IL6R: variants seen among roughly 807,000 people sequenced by gnomAD.
IL6R encodes interleukin-6 receptor subunit alpha.
A neutral mutation model predicts 48.3 loss-of-function variants in IL6R; 38 were observed. That is an observed-to-expected ratio of 0.79 (90% CI 0.61 to 1.03). The LOEUF is 1.03. IL6R is among the 50% of genes least tolerant of loss of function. The pLI is 0.00. For synonymous variants in IL6R, 264 were observed against 256.2 expected (o/e 1.03, Z -0.29); for missense variants, 534 against 618.3 (o/e 0.86, Z 1.45).
At chr1:154,436,199 T>A (rs367617897) in intron 6 of IL6R, 89 bp downstream of exon 6, 1 of 1,424,922 alleles carries the variant, frequency 7.0e-7, no homozygotes, top group Admixed American at 2.1e-5. Flanking sequence ...GCCTCAAAAC[T>A]AGTGGCTTAG....
Position 154,430,492 on chromosome 1 carries a change from A to C in IL6R, c.344A>C (p.Glu115Ala), listed in dbSNP as rs749116155. ...TVHLLVDVPPEEPQLSCFRKS... is the reference protein window; with the variant it reads ...TVHLLVDVPPAEPQLSCFRKS... ...AATGCTTTCCTTTCAGTTCCCCCCG[A>C]GGAGCCCCAGCTCTCCTGCTTCCGG... The change falls in exon 3 of 10, where the codon GAG (glutamate) becomes GCG (alanine). Residue 115 changes from glutamate (E) to alanine (A), a missense_variant. Glu to Ala is a moderately radical substitution (Grantham distance 107, BLOSUM62 -1). Transcript: ENST00000368485. 3 of 1,613,490 alleles carry C rather than the reference A, an allele frequency of 1.9e-6. No homozygotes were observed. The highest frequency in any genetic ancestry group is 3.3e-5 in the Admixed American group (2 of 59,874).
intron 5 of IL6R, 108 bp from the exon 6 acceptor site, chr1:154,435,861 C>T (rs1376687870): frequency 1.7e-5 from 17 of 1,002,444 alleles, no homozygotes; most frequent in Non-Finnish European, 2.2e-5. Flanking sequence ...CTCTAGAGGC[C>T]TCTGCCAGCT....
In IL6R at chr1:154,414,478, G is replaced by C. The variant is rs1570923273; in HGVS notation, c.85+8764G>C. 12 of 1,024,654 alleles carry C rather than the reference G, an allele frequency of 1.2e-5. No individual in the cohort carries two copies. The South Asian group carries it at 1.5e-4, about 12-fold the overall frequency. The allele number at this position is 1,024,654 out of a possible 1,614,324, so 63.5% of individuals were successfully genotyped here. The stretch of plus-strand genomic sequence containing the variant: ...GCTGGCCGGCAAAACTATATTAGTT[G>C]TTGGGGCCCGGGACCCACCCTCACT... On this transcript the variant is annotated intron_variant, in intron 1 of 9. Coordinates refer to ENST00000368485, the MANE Select transcript of IL6R (RefSeq NM_000565.4).
rs1382538217 is a variant in IL6R at position 154,465,356 on chromosome 1, T to C, written c.1383T>C (p.Asn461=). ...CACGGAGCCCTTATGACATCAGCAA[T>C]ACAGACTACTTCTTCCCCAGATAGC... The part of the protein sequence containing the change: ...RDPRSPYDIS[N]TDYFFPR The change falls in exon 10 of 10, where the codon AAT becomes AAC. Residue 461 remains asparagine, a synonymous_variant. Coordinates refer to ENST00000368485, the MANE Select transcript of IL6R (RefSeq NM_000565.4). 6.2e-7 allele frequency: 1 copy of C among 1,613,988 alleles called. No homozygotes were observed. Among genetic ancestry groups the C allele is most frequent in the Non-Finnish European group, 8.5e-7 (1 of 1,180,018 alleles).
chr1:154,453,638 C>T lies in IL6R; in HGVS notation c.1067-850C>T, dbSNP rs1690714192. Among the ~76,000 whole-genome samples, 3 of 152,204 alleles carry T rather than the reference C, an allele frequency of 2.0e-5. No individual in the cohort carries two copies. In the South Asian group the frequency reaches 6.2e-4, roughly 31 times the overall value. On this transcript the variant is annotated intron_variant, in intron 8 of 9. Coordinates refer to ENST00000368485, the MANE Select transcript of IL6R (RefSeq NM_000565.4). Reference sequence around the variant, plus strand: ...TCATTCAAAGAAATATTTTGGCGATCCTACTTTGTATTCGGCACTGTGTAA... The same window carrying T: ...TCATTCAAAGAAATATTTTGGCGATTCTACTTTGTATTCGGCACTGTGTAA...
At chr1:154,436,401 C>T (rs1689632564) in intron 6 of IL6R, among the ~76,000 whole-genome samples, 1 of 152,186 alleles carries the variant, frequency 6.6e-6, no homozygotes, top group South Asian at 2.1e-4. Context: ...TCTCTTGAAC[C>T]CAGGAGGCGG....
intron 1 of IL6R, among the ~76,000 whole-genome samples, chr1:154,411,888 T>A (rs1391070923): frequency 2.0e-5 from 3 of 151,236 alleles, no homozygotes; most frequent in Non-Finnish European, 4.4e-5. Flanking sequence ...ACAACAAAAG[T>A]ATAAAATACT....
intron 6 of IL6R, chr1:154,437,512 C>T (rs1689697512): frequency 1.1e-5 from 5 of 446,454 alleles, no homozygotes; most frequent in Non-Finnish European, 1.8e-5. Context: ...CTCCTGGGTT[C>T]AAGCAATCCT....
chr1:154,464,998 T>C (rs912071812), intron 9 of IL6R, 136 bp from the exon 10 acceptor site: 1 of 886,676 alleles, frequency 1.1e-6, no homozygotes, highest in Non-Finnish European at 1.8e-6. Context: ...AGACAGCTGA[T>C]AGTTATTGCT....
intron 3 of IL6R, among the ~76,000 whole-genome samples, chr1:154,431,894 A>G (rs1375411230): frequency 6.6e-6 from 1 of 152,226 alleles, no homozygotes; most frequent in Non-Finnish European, 1.5e-5. Context: ...ACTTCTCAGA[A>G]CAGTGGGCAC....
At chr1:154,449,453 C>A (rs1028038887) in intron 7 of IL6R, among the ~76,000 whole-genome samples, 1 of 152,060 alleles carries the variant, frequency 6.6e-6, no homozygotes, top group Admixed American at 6.5e-5. Flanking sequence ...GCGGAGGTTG[C>A]AGTGAGCCGA....
Position 154,452,400 on chromosome 1 carries a change from C to T in IL6R, c.1067-2088C>T, listed in dbSNP as rs543595638. Among the ~76,000 whole-genome samples, 16 of 152,296 alleles carry T rather than the reference C, an allele frequency of 1.1e-4. No individual in the cohort carries two copies. In the South Asian group the frequency reaches 1.9e-3, roughly 18 times the overall value. On this transcript the variant is annotated intron_variant, in intron 8 of 9. Coordinates refer to ENST00000368485, the MANE Select transcript of IL6R (RefSeq NM_000565.4). ...CCTTGCTCCTCCACACATGCTCTAC[C>T]TCAGGGCCTTTGCACTTGCTGTGTG...
chr1:154,457,920 T>C (rs765994602), intron 9 of IL6R, among the ~76,000 whole-genome samples: 2 of 152,068 alleles, frequency 1.3e-5, no homozygotes, highest in Non-Finnish European at 2.9e-5. Flanking sequence ...ACTACTCAAA[T>C]TGGGTTCAGG....
At chr1:154,438,570 G>A (rs1039051361) in intron 6 of IL6R, among the ~76,000 whole-genome samples, 3 of 152,132 alleles carry the variant, frequency 2.0e-5, no homozygotes, top group Non-Finnish European at 4.4e-5. Context: ...AAAGGAAAAG[G>A]TAGAATTGAC....
At chr1:154,432,196 C>T (rs996008597) in intron 3 of IL6R, among the ~76,000 whole-genome samples, 4 of 152,088 alleles carry the variant, frequency 2.6e-5, no homozygotes, top group Non-Finnish European at 5.9e-5. Context: ...CAGCTCATGC[C>T]CCAAGCCTGG....
Position 154,430,620 on chromosome 1 carries a change from G to T in IL6R, c.458+14G>T. 1 of 1,614,132 alleles carries T rather than the reference G, an allele frequency of 6.2e-7. No homozygotes were observed. Among genetic ancestry groups the T allele is most frequent in the Non-Finnish European group, 8.5e-7 (1 of 1,180,002 alleles). ...GGTGAGGAAGTTGTAAGTATCTTGG[G>T]CTGAGCTATGTGCATGTTGGCTCCC... On this transcript the variant is annotated intron_variant, in intron 3 of 9. Coordinates refer to ENST00000368485, the MANE Select transcript of IL6R (RefSeq NM_000565.4).
At chr1:154,445,573 AC>A (rs1288889776) in intron 6 of IL6R, among the ~76,000 whole-genome samples, 3 of 151,922 alleles carry the variant, frequency 2.0e-5, no homozygotes, top group African/African-American at 7.3e-5. Context: ...ACACGGTGAA[AC>A]CCCGTCTCTA....
chr1:154,445,156 A>G, intron 6 of IL6R: 1 of 455,900 alleles, frequency 2.2e-6, no homozygotes, highest in Non-Finnish European at 4.4e-6. Flanking sequence ...CTACACGAAT[A>G]GAGGAGCAGT....
chr1:154,423,737 G>A (rs916121235), intron 1 of IL6R, among the ~76,000 whole-genome samples: 12 of 152,080 alleles, frequency 7.9e-5, no homozygotes, highest in Non-Finnish European at 1.6e-4. Flanking sequence ...ATCATTCCCT[G>A]TTTTAAAAAA....
Sources: gnomAD v4.1 joint callset for allele counts (sites outside exome capture counted in the v4.1 genomes callset) on GRCh38, gnomAD v4.1.1 for gene constraint, MANE v1.5 for transcripts, NCBI Gene and HGNC (gene_info 2026-07-23, HGNC 2026-07-21) for gene names.